The following TJP1 variants were observed in gnomAD, a reference collection of about 807,000 sequenced individuals.
TJP1 encodes the protein tight junction protein ZO-1.
A neutral mutation model predicts 194.2 loss-of-function variants in TJP1; 43 were observed. That is an observed-to-expected ratio of 0.22 (90% CI 0.17 to 0.29). The LOEUF is 0.29. Among genes scored for constraint, TJP1 ranks in the 10% least tolerant of loss-of-function variants. The probability of loss-of-function intolerance (pLI) is 1.00; values close to 1 mark genes in which losing one functional copy is unlikely to be tolerated. For synonymous variants in TJP1, 801 were observed against 779.0 expected, an observed-to-expected ratio of 1.03 and a Z score of -0.47; for missense variants, 1,971 against 2,185.7, an observed-to-expected ratio of 0.90 and a Z score of 1.96.
At chr15:29,883,281 G>GGTCTTT (rs200796993) in intron 2 of TJP1, among the ~76,000 whole-genome samples, 25,227 of 152,116 alleles carry the variant, frequency 0.17, 2,408 homozygotes, top group East Asian at 0.37. Context: ...GTTTCCTGCA[G>GGTCTTT]CCCTGGGACA....
chr15:29,865,552 A>T (rs972789732), intron 2 of TJP1, among the ~76,000 whole-genome samples: 26 of 152,226 alleles, frequency 1.7e-4, no homozygotes, highest in Non-Finnish European at 2.6e-4. Flanking sequence ...TGATTTGTAA[A>T]AATTATTTTA....
At chr15:29,883,933 C>T (rs373829561) in intron 2 of TJP1, among the ~76,000 whole-genome samples, 4 of 152,124 alleles carry the variant, frequency 2.6e-5, no homozygotes, top group Non-Finnish European at 2.9e-5. Flanking sequence ...TATATCCACT[C>T]GTACAATGCT....
chr15:29,906,468 AAAATAAATAAATAAAT>A (rs71103415), intron 2 of TJP1, among the ~76,000 whole-genome samples: 67 of 138,936 alleles, frequency 4.8e-4, no homozygotes, highest in Middle Eastern at 3.6e-3. Context: ...ACTCCGTCTC[AAAATAAATAAATAAAT>A]AAATAAATAA....
chr15:29,735,765 A>G (rs2043990124), intron 11 of TJP1, among the ~76,000 whole-genome samples: 1 of 152,184 alleles, frequency 6.6e-6, no homozygotes, highest in African/African-American at 2.4e-5. Flanking sequence ...AACAATGTAA[A>G]CATCATCAGA....
chr15:29,838,876 C>A (rs554497822), intron 2 of TJP1, among the ~76,000 whole-genome samples: 1 of 152,164 alleles, frequency 6.6e-6, no homozygotes, highest in African/African-American at 2.4e-5. Flanking sequence ...CAGTACGTAA[C>A]CTGCTGGAAT....
chr15:29,736,974 G>A (rs924919269), intron 11 of TJP1, among the ~76,000 whole-genome samples: 4 of 152,124 alleles, frequency 2.6e-5, no homozygotes, highest in South Asian at 2.1e-4. Flanking sequence ...ATTATCATCG[G>A]GATATAAGAC....
At chr15:29,805,826 C>G (rs767250656) in intron 1 of TJP1, among the ~76,000 whole-genome samples, 1 of 152,054 alleles carries the variant, frequency 6.6e-6, no homozygotes, top group Non-Finnish European at 1.5e-5. Flanking sequence ...GAGACAGCAA[C>G]GTTTTGAGTT....
At chr15:29,897,436 T>C (rs185037193) in intron 2 of TJP1, among the ~76,000 whole-genome samples, 201 of 152,258 alleles carry the variant, frequency 1.3e-3, no homozygotes, top group African/African-American at 4.5e-3. Flanking sequence ...CTTTCTTTCA[T>C]TGAGAACCTG....
intron 4 of TJP1, among the ~76,000 whole-genome samples, chr15:29,767,700 T>G (rs1036950823): frequency 6.6e-6 from 1 of 152,100 alleles, no homozygotes; most frequent in African/African-American, 2.4e-5. Context: ...TTCTTCAAGA[T>G]CCCAGCCACT....
chr15:29,961,334 C>CT (rs5811594), intron 1 of TJP1, among the ~76,000 whole-genome samples: 61,426 of 90,492 alleles, frequency 0.68, 22,500 homozygotes, highest in East Asian at 0.81. Flanking sequence ...TTTCCTAATT[C>CT]TTTTTTTTTT....
chr15:29,912,187 AC>A (rs1405674354), intron 2 of TJP1, among the ~76,000 whole-genome samples: 1 of 152,202 alleles, frequency 6.6e-6, no homozygotes, highest in African/African-American at 2.4e-5. Context: ...ATATGAGGGC[AC>A]TAAGCCCATT....
Position 29,705,591 on chromosome 15 carries a change from G to C in TJP1, c.5005C>G (p.Gln1669Glu). ...CGGCAGACCTTGAAATAGATTTCCT[G>C]CTCAACTCCTTCGGGAATGGCTCCT... ...PQGAIPEGVE[Q>E]EIYFKVCRDN... Residue 1669 changes from glutamine (Q) to glutamate (E), a missense_variant, in exon 26 of 28, where the codon CAG becomes GAG. By Grantham distance (29) the Gln-to-Glu change is conservative. Transcript: ENST00000614355. 6.2e-7 allele frequency: 1 copy of C among 1,614,194 alleles called. No homozygotes were observed. Among genetic ancestry groups the C allele is most frequent in the Non-Finnish European group, 8.5e-7 (1 of 1,180,040 alleles).
intron 2 of TJP1, among the ~76,000 whole-genome samples, chr15:29,863,194 G>A (rs1350217615): frequency 6.6e-6 from 1 of 151,958 alleles, no homozygotes; most frequent in African/African-American, 2.4e-5. Context: ...CACTTGGGAG[G>A]CTGAGGCAGG....
At position 29,906,517 on chromosome 15, in the gene TJP1, A is replaced by C. The variant is rs181640232; in HGVS notation, c.306+49715T>G. ...TAAATAAATAAATAAATAAAGTTTA[A>C]TAATCTAAAATAAAAATTAAAAAAT... is the stretch of plus-strand genomic sequence containing the variant. On this transcript the variant is annotated intron_variant, in intron 2 of 28. Coordinates refer to the TJP1 transcript ENST00000356107. 1.1e-3 allele frequency among the ~76,000 whole-genome samples: 163 copies of C among 150,250 alleles called. 4 individuals are homozygous for C. Among genetic ancestry groups the C allele is most frequent in the African/African-American group, 3.8e-3 (158 of 41,140 alleles).
rs547597791 is a variant in TJP1, at chr15:29,742,197, C to T, written c.1150+445G>A. Among the ~76,000 whole-genome samples the T allele has an allele frequency of 2.6e-5, 4 of 151,698 alleles. 1 individual carries two copies. The highest frequency in any genetic ancestry group is 3.9e-4 in the East Asian group (2 of 5,166). Reference sequence around the variant, plus strand: ...GAGCCCAGGAGTTTTGAGGTTACAGCGAGCTAATCACACCACTGCACTCCA... The same window carrying T: ...GAGCCCAGGAGTTTTGAGGTTACAGTGAGCTAATCACACCACTGCACTCCA... On this transcript the variant is annotated intron_variant, in intron 9 of 27. Transcript: ENST00000614355.
intron 25 of TJP1, 42 bp downstream of exon 25, chr15:29,708,517 A>G: frequency 6.7e-7 from 1 of 1,493,606 alleles, no homozygotes; most frequent in South Asian, 1.2e-5. Context: ...CACATGAGAA[A>G]AATCACAGGG....
chr15:29,794,536 A>C (rs942200385), intron 2 of TJP1, among the ~76,000 whole-genome samples: 1 of 152,296 alleles, frequency 6.6e-6, no homozygotes, highest in Admixed American at 6.5e-5. Context: ...AGGTCAGAAA[A>C]ATCAGATTCT....
Position 29,807,308 on chromosome 15 carries a change from C to T in TJP1, c.28-6606G>A, listed in dbSNP as rs536833326. On this transcript the variant is annotated intron_variant, in intron 1 of 27. Coordinates refer to ENST00000614355, the MANE Select transcript of TJP1 (RefSeq NM_001330239.4). Reference sequence around the variant, plus strand: ...TAAAGTAAGAGTGAAAGAACATCAGCTTAAAAGTTACCATTATGTGTACAT... The same window carrying T: ...TAAAGTAAGAGTGAAAGAACATCAGTTTAAAAGTTACCATTATGTGTACAT... Among the ~76,000 whole-genome samples, 10 of 152,302 alleles carry T rather than the reference C, an allele frequency of 6.6e-5. No individual in the cohort carries two copies. In the South Asian group the frequency reaches 1.9e-3, roughly 28 times the overall value.
intron 2 of TJP1, chr15:29,800,369 G>C: frequency 2.3e-6 from 1 of 436,232 alleles, no homozygotes; most frequent in Non-Finnish European, 4.0e-6. Context: ...TTATACTAAT[G>C]TACAGAGTCT....
Sources: allele counts gnomAD v4.1 joint callset (sites outside exome capture counted in the v4.1 genomes callset), GRCh38; gene constraint gnomAD v4.1.1; transcripts MANE v1.5; gene names NCBI Gene and HGNC (gene_info 2026-07-23, HGNC 2026-07-21).